TXNDC8: variants seen among roughly 807,000 people sequenced by gnomAD.
TXNDC8 encodes the protein thioredoxin domain containing 8.
In TXNDC8, 15 loss-of-function variants were observed where a neutral mutation model predicts 12.9. That is an observed-to-expected ratio of 1.16 (90% CI 0.78 to 1.79). The LOEUF (loss-of-function observed/expected upper bound fraction) is 1.79. Ranked by LOEUF, TXNDC8 falls within the 40% of genes most tolerant of loss-of-function variation. The pLI, the probability that TXNDC8 is intolerant of heterozygous loss-of-function variation, is 0.00. For missense variants in TXNDC8, 128 were observed against 113.2 expected, an observed-to-expected ratio of 1.13 and a Z score of -0.59; for synonymous variants, 40 against 35.4, an observed-to-expected ratio of 1.13 and a Z score of -0.46.
At position 110,334,207 on chromosome 9, in the gene TXNDC8, T is replaced by G; in HGVS notation, c.129+9A>C. 6.2e-7 allele frequency: 1 copy of G among 1,600,978 alleles called. No individual in the cohort carries two copies. ...CTGAAACTATGAGATATATACTGGT[T>G]GTACTCACATGGAAAACAGGAAACA... On this transcript the variant is annotated intron_variant, in intron 2 of 4. Coordinates refer to ENST00000423740, the MANE Select transcript of TXNDC8 (RefSeq NM_001286946.2).
intron 3 of TXNDC8, 39 bp from the exon 5 acceptor site, chr9:110,304,571 G>A (rs771172867): frequency 3.8e-6 from 6 of 1,574,958 alleles, no homozygotes; most frequent in Non-Finnish European, 5.2e-6. Flanking sequence ...TATCTGAGTT[G>A]CCTGGTTTGT....
downstream of TXNDC8, among the ~76,000 whole-genome samples, chr9:110,301,326 GT>G (rs1448106184): frequency 1.3e-5 from 2 of 152,164 alleles, no homozygotes; most frequent in African/African-American, 4.8e-5. Context: ...GTTAAATGAG[GT>G]AATGAATGCA....
chr9:110,311,784 G>T (rs1009300650), intron 3 of TXNDC8, among the ~76,000 whole-genome samples: 1 of 134,914 alleles, frequency 7.4e-6, no homozygotes, highest in Non-Finnish European at 1.6e-5. Flanking sequence ...TACTATATAT[G>T]GATATACTAT....
intron 2 of TXNDC8, among the ~76,000 whole-genome samples, chr9:110,332,763 G>A (rs961706209): frequency 3.9e-5 from 6 of 152,124 alleles, no homozygotes; most frequent in Admixed American, 2.0e-4. Context: ...ATAAAATATT[G>A]TATAGATATT....
At chr9:110,335,521 C>G (rs1031868216) in intron 1 of TXNDC8, among the ~76,000 whole-genome samples, 24 of 152,228 alleles carry the variant, frequency 1.6e-4, no homozygotes, top group Non-Finnish European at 3.1e-4. Flanking sequence ...TATATTCTCT[C>G]CCATAATCTT....
At chr9:110,308,633 A>G (rs1481606749) in intron 3 of TXNDC8, among the ~76,000 whole-genome samples, 2 of 152,108 alleles carry the variant, frequency 1.3e-5, no homozygotes, top group Non-Finnish European at 2.9e-5. Context: ...CAAAACAGAA[A>G]ACCATGCACT....
intron 3 of TXNDC8, among the ~76,000 whole-genome samples, chr9:110,305,586 CTT>C (rs1379204561): frequency 7.2e-6 from 1 of 138,236 alleles, no homozygotes; most frequent in African/African-American, 3.1e-5. Context: ...TTCTTTCTTT[CTT>C]TCTTTCTTTC....
intron 1 of TXNDC8, among the ~76,000 whole-genome samples, chr9:110,335,404 C>T (rs145067311): frequency 8.9e-4 from 135 of 152,044 alleles, no homozygotes; most frequent in African/African-American, 3.2e-3. Flanking sequence ...GCCCAGCCTG[C>T]GTGTCTTCTT....
chr9:110,318,039 T>C (rs948023499), intron 3 of TXNDC8, among the ~76,000 whole-genome samples: 1 of 152,222 alleles, frequency 6.6e-6, no homozygotes, highest in Non-Finnish European at 1.5e-5. Context: ...TCTGAGTTTC[T>C]ATTGCCATGG....
rs1459275969 is a variant in TXNDC8, at chr9:110,331,370, T to C, written c.129+2846A>G. ...TTGGTGGTTCTTTAACTCCCAATCA[T>C]GGCCTCCCGTTTCCCATGACTTCTG... On this transcript the variant is annotated intron_variant, in intron 2 of 4. Coordinates refer to ENST00000423740, the MANE Select transcript of TXNDC8 (RefSeq NM_001286946.2). Among the ~76,000 whole-genome samples, 6 of 152,296 alleles carry C rather than the reference T, an allele frequency of 3.9e-5. No homozygotes were observed. In the East Asian group the frequency reaches 9.7e-4, roughly 25 times the overall value.
chr9:110,319,076 C>CT (rs1838992794), intron 3 of TXNDC8, among the ~76,000 whole-genome samples: 1 of 152,090 alleles, frequency 6.6e-6, no homozygotes, highest in Admixed American at 6.6e-5. Context: ...TAGTTCTTGC[C>CT]CCCCGACCCC....
chr9:110,323,945 G>C lies in TXNDC8; in HGVS notation c.195+2230C>G, dbSNP rs1404772267. 6.4e-6 allele frequency: 10 copies of C among 1,550,800 alleles called. No homozygotes were observed. In the East Asian group the frequency reaches 9.8e-5, roughly 15 times the overall value. On this transcript the variant is annotated intron_variant, in intron 3 of 4. Coordinates refer to ENST00000423740, the MANE Select transcript of TXNDC8 (RefSeq NM_001286946.2). The stretch of plus-strand genomic sequence containing the variant: ...TTGGATTGGCTTGACTGGAGTCAAG[G>C]GTCCATTTCTGATGGGGATGGAGTT...
At chr9:110,311,701 G>C (rs1361844808) in intron 3 of TXNDC8, among the ~76,000 whole-genome samples, 1 of 104,024 alleles carries the variant, frequency 9.6e-6, no homozygotes, top group African/African-American at 4.1e-5. Context: ...TATATACATG[G>C]ATATACTATA....
At chr9:110,317,998 G>T (rs1421878441) in intron 3 of TXNDC8, among the ~76,000 whole-genome samples, 3 of 152,192 alleles carry the variant, frequency 2.0e-5, no homozygotes, top group African/African-American at 4.8e-5. Context: ...CATCAATATT[G>T]ATGATATGCC....
chr9:110,302,607 T>C (rs75693295), downstream of TXNDC8, among the ~76,000 whole-genome samples: 156 of 151,736 alleles, frequency 1.0e-3, 1 homozygote, highest in African/African-American at 3.5e-3. Flanking sequence ...CCATCTCCTC[T>C]GGGCTCTAAA....
chr9:110,313,559 G>C (rs1180474367), intron 3 of TXNDC8, among the ~76,000 whole-genome samples: 1 of 152,118 alleles, frequency 6.6e-6, no homozygotes, highest in Non-Finnish European at 1.5e-5. Context: ...AAATTAGCCA[G>C]GCGTGGTGGC....
In TXNDC8 at chr9:110,328,825, A is replaced by C. The variant is rs575498726; in HGVS notation, c.130-2585T>G. Among the ~76,000 whole-genome samples the C allele has an allele frequency of 9.9e-5, 15 of 152,282 alleles. 2 individuals are homozygous for C. The South Asian group carries it at 3.1e-3, about 32-fold the overall frequency. On this transcript the variant is annotated intron_variant, in intron 2 of 4. Coordinates refer to ENST00000423740, the MANE Select transcript of TXNDC8 (RefSeq NM_001286946.2). ...CTGTCCCCCACCCCCCAAATAAAGA[A>C]ATTGATTAACAATCCATCACAGGGA...
intron 3 of TXNDC8, among the ~76,000 whole-genome samples, chr9:110,314,674 C>T (rs527633047): frequency 1.3e-5 from 2 of 152,122 alleles, no homozygotes; most frequent in South Asian, 2.1e-4. Context: ...CCTCGTGATC[C>T]GCCCACCTCG....
Position 110,329,294 on chromosome 9 carries a change from T to A in TXNDC8, c.130-3054A>T, listed in dbSNP as rs1475251544. On this transcript the variant is annotated intron_variant, in intron 2 of 4. Coordinates refer to ENST00000423740, the MANE Select transcript of TXNDC8 (RefSeq NM_001286946.2). ...TTTTGGTATTTCACAGACATAGCCT[T>A]CAAAATAAAAAATAAATATTTCCCA... is the stretch of plus-strand genomic sequence containing the variant. The A allele has an allele frequency of 6.2e-7, 1 of 1,602,626 alleles. No homozygotes were observed. Among genetic ancestry groups the A allele is most frequent in the Non-Finnish European group, 8.5e-7 (1 of 1,174,230 alleles).
Sources: gnomAD v4.1 joint callset for allele counts (sites outside exome capture counted in the v4.1 genomes callset) on GRCh38, gnomAD v4.1.1 for gene constraint, MANE v1.5 for transcripts, NCBI Gene and HGNC (gene_info 2026-07-23, HGNC 2026-07-21) for gene names.